Variants in CDH6 observed in about 807,000 individuals in gnomAD.
CDH6 encodes the protein cadherin-6.
Under a neutral mutation model 78.0 loss-of-function variants are expected in CDH6, and 31 were observed. The ratio of observed to expected loss-of-function variants is 0.40; its 90% confidence interval spans 0.30 to 0.54. CDH6 has a LOEUF of 0.54. Ranked by LOEUF, CDH6 falls within the 20% of genes least tolerant of loss-of-function variation. The probability of loss-of-function intolerance (pLI) is 0.56; values close to 1 mark genes in which losing one functional copy is unlikely to be tolerated. For synonymous variants in CDH6, 376 were observed against 368.8 expected (o/e 1.02, Z -0.23); for missense variants, 724 against 975.9 (o/e 0.74, Z 3.44).
At chr5:31,197,388 A>G (rs1392610748) in intron 1 of CDH6, among the ~76,000 whole-genome samples, 5 of 152,178 alleles carry the variant, frequency 3.3e-5, no homozygotes, top group African/African-American at 9.7e-5. Flanking sequence ...TTGCTTAGTC[A>G]TGGCTGCTTA....
In CDH6 at chr5:31,299,428, T is replaced by G. The variant is rs751461506; in HGVS notation, c.644-36T>G. On this transcript the variant is annotated intron_variant, in intron 4 of 11. Coordinates refer to ENST00000265071, the MANE Select transcript of CDH6 (RefSeq NM_004932.4). ...CAATGATTCCATAAAGTATTCTTAA[T>G]GCATCCCTTTGCACTCTTAAATTTC... The G allele has an allele frequency of 1.9e-5, 29 of 1,532,562 alleles. No homozygotes were observed. In the Admixed American group the frequency reaches 2.4e-4, roughly 13 times the overall value. 94.9% of individuals were successfully genotyped at this position (1,532,562 alleles called of 1,614,324 possible).
rs1737639682 is a variant in CDH6 at position 31,297,361 on chromosome 5, A to T, written c.596A>T (p.Tyr199Phe). ...TATGGGAACAGTGCTAAAGTTGTCTACAGTATTCTACAGGGACAGCCCTAT... is the reference window on the plus strand; with the variant it reads ...TATGGGAACAGTGCTAAAGTTGTCTTCAGTATTCTACAGGGACAGCCCTAT... ...PTYGNSAKVV[Y>F]SILQGQPYFS... Residue 199 changes from tyrosine to phenylalanine, a missense_variant, in exon 4 of 12, where the codon TAC becomes TTC. Physicochemically the swap from Tyr to Phe is conservative, Grantham distance 22 (BLOSUM62 3). Around this residue, in one of 3 missense-constraint regions of CDH6, gnomAD observed 446 missense variants for 684.5 expected, o/e 0.65. Coordinates refer to ENST00000265071, the MANE Select transcript of CDH6 (RefSeq NM_004932.4). The T allele has an allele frequency of 1.2e-6, 2 of 1,609,942 alleles. No individual in the cohort carries two copies. Among genetic ancestry groups the T allele is most frequent in the Non-Finnish European group, 1.7e-6 (2 of 1,176,458 alleles).
intron 1 of CDH6, among the ~76,000 whole-genome samples, chr5:31,261,244 G>A (rs184264756): frequency 6.6e-6 from 1 of 152,282 alleles, no homozygotes; most frequent in Non-Finnish European, 1.5e-5. Flanking sequence ...GACAGGGCAG[G>A]ACTCTTGAGA....
At position 31,237,706 on chromosome 5, in the gene CDH6, G is replaced by A. The variant is rs528932433; in HGVS notation, c.-128-29640G>A. 2.0e-5 allele frequency among the ~76,000 whole-genome samples: 3 copies of A among 152,272 alleles called. No individual in the cohort carries two copies. The South Asian group carries it at 6.2e-4, about 32-fold the overall frequency. The stretch of plus-strand genomic sequence containing the variant: ...TTATTTCTTTGTGTGTGATACACAT[G>A]TCACATCCTCAATTCTTTTCACACC... On this transcript the variant is annotated intron_variant, in intron 1 of 11. Transcript: ENST00000265071.
At chr5:31,321,470 A>G (rs1317362639) in intron 11 of CDH6, among the ~76,000 whole-genome samples, 6 of 152,096 alleles carry the variant, frequency 3.9e-5, no homozygotes, top group Non-Finnish European at 7.4e-5. Context: ...TTAAACTTCA[A>G]CTTCCTCTTA....
At chr5:31,306,419 GA>G (rs1312267110) in intron 7 of CDH6, among the ~76,000 whole-genome samples, 4 of 152,110 alleles carry the variant, frequency 2.6e-5, no homozygotes, top group African/African-American at 9.7e-5. Flanking sequence ...ATCTTAACAG[GA>G]AAATGCTGGA....
intron 2 of CDH6, among the ~76,000 whole-genome samples, chr5:31,288,192 A>G (rs1743061645): frequency 6.6e-6 from 1 of 152,244 alleles, no homozygotes. Context: ...AAACTGAATC[A>G]CAGGGCTGAA....
rs150569064 is a variant in CDH6 at position 31,236,229 on chromosome 5, A to G, written c.-128-31117A>G. On this transcript the variant is annotated intron_variant, in intron 1 of 11. Transcript: ENST00000265071. ...TAGTTTTGTTAATCACAGGAAAATTAATGGGAAAATTTGAAGACATTCCTA... is the reference window on the plus strand; with the variant it reads ...TAGTTTTGTTAATCACAGGAAAATTGATGGGAAAATTTGAAGACATTCCTA... Among the ~76,000 whole-genome samples, 268 of 152,362 alleles carry G rather than the reference A, an allele frequency of 1.8e-3. 1 individual carries two copies. The highest frequency in any genetic ancestry group is 5.9e-3 in the African/African-American group (245 of 41,594).
intron 2 of CDH6, among the ~76,000 whole-genome samples, chr5:31,283,604 C>A (rs1398992396): frequency 6.6e-6 from 1 of 152,010 alleles, no homozygotes; most frequent in Non-Finnish European, 1.5e-5. Context: ...CCCAGCCAGA[C>A]CAATTGCCAG....
At chr5:31,278,135 T>A (rs1021341266) in intron 2 of CDH6, among the ~76,000 whole-genome samples, 1 of 152,220 alleles carries the variant, frequency 6.6e-6, no homozygotes, top group Admixed American at 6.5e-5. Context: ...ATTGATGCAA[T>A]GGTTTGATAT....
chr5:31,317,377 G>A lies in CDH6; in HGVS notation c.1515G>A (p.Leu505=), dbSNP rs1738353526. ...CAGCGTTTTGGTTTTTCTCTTAGTT[G>A]ATTCAGACCCTGCATGCTGTTGACA... The part of the protein sequence containing the change: ...FVCEKAKADQ[L]IQTLHAVDKD... Residue 505 remains leucine, a splice_region_variant and synonymous_variant, in exon 10 of 12, where the codon TTG becomes TTA. Transcript: ENST00000265071. 5 of 1,508,862 alleles carry A rather than the reference G, an allele frequency of 3.3e-6. No homozygotes were observed. The highest frequency in any genetic ancestry group is 4.6e-6 in the Non-Finnish European group (5 of 1,097,954). The allele number at this position is 1,508,862 out of a possible 1,614,324, so 93.5% of individuals were successfully genotyped here.
intron 1 of CDH6, among the ~76,000 whole-genome samples, chr5:31,229,183 A>G (rs1352592163): frequency 2.0e-5 from 3 of 152,208 alleles, no homozygotes; most frequent in Non-Finnish European, 2.9e-5. Flanking sequence ...CCTGAGTCCG[A>G]TCAAGGTGAA....
intron 2 of CDH6, among the ~76,000 whole-genome samples, chr5:31,292,534 A>C (rs1271425212): frequency 6.6e-6 from 1 of 152,128 alleles, no homozygotes; most frequent in Non-Finnish European, 1.5e-5. Context: ...AAGACTTGGC[A>C]TAACTGTTGT....
intron 1 of CDH6, among the ~76,000 whole-genome samples, chr5:31,210,626 A>G (rs1010522225): frequency 6.6e-6 from 1 of 152,188 alleles, no homozygotes; most frequent in Non-Finnish European, 1.5e-5. Context: ...CCCAGCAGAT[A>G]CCAAAATCCA....
At chr5:31,234,065 G>A (rs1741389001) in intron 1 of CDH6, among the ~76,000 whole-genome samples, 1 of 151,920 alleles carries the variant, frequency 6.6e-6, no homozygotes, top group Non-Finnish European at 1.5e-5. Context: ...TTTTCATAAT[G>A]TTTTTCTGTT....
chr5:31,200,579 C>T (rs886180287), intron 1 of CDH6, among the ~76,000 whole-genome samples: 1 of 151,378 alleles, frequency 6.6e-6, no homozygotes, highest in Admixed American at 6.6e-5. Flanking sequence ...CACACACACA[C>T]ACACACACAC....
rs1742622828 is a variant in CDH6 at position 31,274,246 on chromosome 5, A to C, written c.228+6545A>C. Among the ~76,000 whole-genome samples the C allele has an allele frequency of 2.0e-5, 3 of 152,328 alleles. No individual in the cohort carries two copies. In the South Asian group the frequency reaches 6.2e-4, roughly 32 times the overall value. On this transcript the variant is annotated intron_variant, in intron 2 of 11. Coordinates refer to ENST00000265071, the MANE Select transcript of CDH6 (RefSeq NM_004932.4). ...CAACTGATTTCACTTTCTTAATGAC[A>C]AAAGTTTCAATCTGCTATTTAATAC...
intron 4 of CDH6, among the ~76,000 whole-genome samples, chr5:31,297,738 T>C (rs908297648): frequency 2.0e-5 from 3 of 152,184 alleles, no homozygotes; most frequent in South Asian, 4.1e-4. Context: ...CTTTTTCTAA[T>C]TATTTAGTAG....
At chr5:31,221,976 G>A (rs576627813) in intron 1 of CDH6, among the ~76,000 whole-genome samples, 116 of 152,168 alleles carry the variant, frequency 7.6e-4, no homozygotes, top group Non-Finnish European at 1.4e-3. Flanking sequence ...AAAACCATCC[G>A]GGAGGCTTTC....
Sources: allele counts gnomAD v4.1 joint callset (sites outside exome capture counted in the v4.1 genomes callset), GRCh38; gene constraint gnomAD v4.1.1; regional missense constraint gnomAD v4.1.1; transcripts MANE v1.5; gene names NCBI Gene and HGNC (gene_info 2026-07-23, HGNC 2026-07-21).